Variants in ZZEF1 observed in about 807,000 individuals in gnomAD.
The protein encoded by ZZEF1 is zinc finger ZZ-type and EF-hand domain-containing protein 1.
ZZEF1 carries 157 observed loss-of-function variants against 342.8 expected under a neutral mutation model. That is an observed-to-expected ratio of 0.46 (90% confidence interval 0.40 to 0.52). The LOEUF is 0.52. ZZEF1 is among the 20% of genes least tolerant of loss of function. ZZEF1 has a pLI of 0.00. For missense variants in ZZEF1, 3,480 were observed against 3,725.6 expected, an observed-to-expected ratio of 0.93 and a Z score of 1.72; for synonymous variants, 1,505 against 1,429.1, an observed-to-expected ratio of 1.05 and a Z score of -1.20.
chr17:4,029,797 C>T (rs972178862), intron 42 of ZZEF1, among the ~76,000 whole-genome samples: 10 of 150,998 alleles, frequency 6.6e-5, no homozygotes, highest in Non-Finnish European at 1.3e-4. Flanking sequence ...TCACTTGAAC[C>T]CAGGAGGTGG....
chr17:4,058,175 A>T lies in ZZEF1; in HGVS notation c.5004-20T>A, dbSNP rs763328335. 1.6e-5 allele frequency: 26 copies of T among 1,603,474 alleles called. No individual in the cohort carries two copies. Among genetic ancestry groups the T allele is most frequent in the Non-Finnish European group, 2.6e-6 (3 of 1,174,750 alleles). ...AAGGACCTAAAGGGCCATGAAAGTG[A>T]CCATTAGCAGAGCTGCTTACTCCCA... On this transcript the variant is annotated intron_variant, in intron 31 of 54. Transcript: ENST00000381638.
intron 9 of ZZEF1, among the ~76,000 whole-genome samples, chr17:4,101,007 C>G (rs1309442242): frequency 6.6e-6 from 1 of 152,158 alleles, no homozygotes; most frequent in Admixed American, 6.5e-5. Flanking sequence ...CCACCCCCTC[C>G]CAGCCCCACC....
At chr17:4,105,319 C>T (rs932181444) in intron 7 of ZZEF1, among the ~76,000 whole-genome samples, 1 of 152,242 alleles carries the variant, frequency 6.6e-6, no homozygotes, top group African/African-American at 2.4e-5. Flanking sequence ...TGCTATCAAG[C>T]TATCCAGGTG....
intron 10 of ZZEF1, among the ~76,000 whole-genome samples, chr17:4,096,213 G>A (rs150840038): frequency 2.0e-5 from 3 of 152,076 alleles, no homozygotes; most frequent in African/African-American, 7.2e-5. Context: ...CCATCTTTGT[G>A]TCCCTGCCCT....
In ZZEF1 at chr17:4,110,280, T is replaced by C. The variant is rs111416231; in HGVS notation, c.1067-417A>G. 3.9e-3 allele frequency among the ~76,000 whole-genome samples: 595 copies of C among 152,324 alleles called. 2 individuals are homozygous for C. Among genetic ancestry groups the C allele is most frequent in the Middle Eastern group, 0.01 (3 of 294 alleles). On this transcript the variant is annotated intron_variant, in intron 5 of 54. Coordinates refer to ENST00000381638, the MANE Select transcript of ZZEF1 (RefSeq NM_015113.4). ...ACAAGCAATTGTGAGAATTTATTTTTAATAATCAAATCCAAACAGATGACA... is the reference window on the plus strand; with the variant it reads ...ACAAGCAATTGTGAGAATTTATTTTCAATAATCAAATCCAAACAGATGACA...
intron 46 of ZZEF1, 93 bp from the exon 47 acceptor site, chr17:4,018,064 G>C (rs755956726): frequency 3.5e-5 from 53 of 1,511,686 alleles, no homozygotes; most frequent in Non-Finnish European, 4.5e-5. Context: ...CTTCAGAGTT[G>C]TTCTTCTGTT....
At chr17:4,131,444 T>C (rs2058660602) in intron 1 of ZZEF1, among the ~76,000 whole-genome samples, 1 of 151,002 alleles carries the variant, frequency 6.6e-6, no homozygotes, top group Non-Finnish European at 1.5e-5. Context: ...AATTAAAGTA[T>C]GTATTCAATT....
At chr17:4,026,962 G>A (rs2056420581) in intron 42 of ZZEF1, among the ~76,000 whole-genome samples, 1 of 152,134 alleles carries the variant, frequency 6.6e-6, no homozygotes, top group African/African-American at 2.4e-5. Context: ...CGGCAGACCT[G>A]CACTATAAAT....
Position 4,088,913 on chromosome 17 carries a change from T to A in ZZEF1, c.2026-20A>T. 4 of 1,610,956 alleles carry A rather than the reference T, an allele frequency of 2.5e-6. No individual in the cohort carries two copies. The highest frequency in any genetic ancestry group is 3.4e-6 in the Non-Finnish European group (4 of 1,178,268). On this transcript the variant is annotated intron_variant, in intron 12 of 54. Transcript: ENST00000381638. ...CAAATACTGGACAGGACAAGAGAGA[T>A]TTCAATAGAAGAACTCAGAATCCCT...
At chr17:4,125,524 A>T (rs1429110771) in intron 1 of ZZEF1, among the ~76,000 whole-genome samples, 6 of 152,222 alleles carry the variant, frequency 3.9e-5, no homozygotes, top group Admixed American at 3.9e-4. Context: ...AGCATGGAAA[A>T]GATCACAGCA....
chr17:4,138,576 CGAT>C (rs2058791931), intron 1 of ZZEF1, among the ~76,000 whole-genome samples: 1 of 152,140 alleles, frequency 6.6e-6, no homozygotes, highest in Non-Finnish European at 1.5e-5. Context: ...TGTGCTAAGA[CGAT>C]GAACAGAGAT....
intron 40 of ZZEF1, 59 bp from the exon 41 acceptor site, chr17:4,033,061 A>G: frequency 6.7e-7 from 1 of 1,501,550 alleles, no homozygotes; most frequent in Non-Finnish European, 9.0e-7. Context: ...AACTCGTTAG[A>G]GCTCACTACA....
chr17:4,028,785 A>G (rs2056473575), intron 42 of ZZEF1, among the ~76,000 whole-genome samples: 1 of 152,180 alleles, frequency 6.6e-6, no homozygotes, highest in African/African-American at 2.4e-5. Context: ...CTGGATGCAA[A>G]ACCCACAGAT....
chr17:4,126,190 C>T (rs113785327), intron 1 of ZZEF1, among the ~76,000 whole-genome samples: 3,667 of 147,990 alleles, frequency 0.025, 143 homozygotes, highest in African/African-American at 0.088. Context: ...ACACACTGCA[C>T]TCCAGCCTGG....
chr17:4,009,712 A>T lies in ZZEF1; in HGVS notation c.8625T>A (p.Phe2875Leu). 6.2e-7 allele frequency: 1 copy of T among 1,614,128 alleles called. No individual in the cohort carries two copies. The highest frequency in any genetic ancestry group is 8.5e-7 in the Non-Finnish European group (1 of 1,180,026). ...CAAACAGGCCGTACTCCATGTGGGT[A>T]AAGAGCTGCCACAGGGGCTTCAACA... ...LALLKPLWQL[F>L]THMEYGLFED... Residue 2875 changes from phenylalanine (F) to leucine (L), a missense_variant, in exon 53 of 55, where the codon TTT (phenylalanine) becomes TTA (leucine). By Grantham distance (22) the Phe-to-Leu change is conservative. Around this residue, in one of 5 missense-constraint regions of ZZEF1, gnomAD observed 1,269 missense variants for 1,342.4 expected, o/e 0.95. Coordinates refer to ENST00000381638, the MANE Select transcript of ZZEF1 (RefSeq NM_015113.4).
rs746519394 is a variant in ZZEF1 at position 4,064,836 on chromosome 17, G to A, written c.4250-7C>T. 15 of 1,270,816 alleles carry A rather than the reference G, an allele frequency of 1.2e-5. No individual in the cohort carries two copies. In the African/African-American group the frequency reaches 1.3e-4, roughly 11 times the overall value. 78.7% of individuals were successfully genotyped at this position (1,270,816 alleles called of 1,614,324 possible). A position where few individuals can be genotyped will look rare whatever the true frequency, so the allele number is the denominator to read the frequency against. ...TTCTCAATGCACTCTTTTGCTAGAT[G>A]CAAACAAGAATCATAATTGAAAAAA... On this transcript the variant is annotated splice_region_variant and splice_polypyrimidine_tract_variant and intron_variant, in intron 28 of 54. Coordinates refer to ENST00000381638, the MANE Select transcript of ZZEF1 (RefSeq NM_015113.4).
intron 1 of ZZEF1, among the ~76,000 whole-genome samples, chr17:4,131,536 T>C (rs568695878): frequency 6.6e-6 from 1 of 151,912 alleles, no homozygotes; most frequent in African/African-American, 2.4e-5. Context: ...CCCAGCACTT[T>C]GGGAGGCTAA....
chr17:4,140,058 T>C (rs2058817710), intron 1 of ZZEF1, among the ~76,000 whole-genome samples: 1 of 152,184 alleles, frequency 6.6e-6, no homozygotes, highest in Non-Finnish European at 1.5e-5. Context: ...AATTACTAAG[T>C]GGAAGATGTC....
intron 13 of ZZEF1, among the ~76,000 whole-genome samples, chr17:4,087,958 A>G (rs1192070508): frequency 6.6e-6 from 1 of 152,150 alleles, no homozygotes; most frequent in Admixed American, 6.6e-5. Flanking sequence ...TCCTTCCGTA[A>G]GCATGCCTGT....
Sources: gnomAD v4.1 joint callset for allele counts (sites outside exome capture counted in the v4.1 genomes callset) on GRCh38, gnomAD v4.1.1 for gene constraint, gnomAD v4.1.1 regional missense constraint, MANE v1.5 for transcripts, NCBI Gene and HGNC (gene_info 2026-07-23, HGNC 2026-07-21) for gene names.